Variants in LAMB1 observed in about 807,000 individuals in gnomAD.
LAMB1 encodes laminin subunit beta 1, also known as laminin subunit beta-1.
LAMB1 carries 121 observed loss-of-function variants against 222.3 expected under a neutral mutation model. The ratio of observed to expected loss-of-function variants is 0.54; its 90% CI spans 0.47 to 0.63. The LOEUF is 0.63. Among genes scored for constraint, LAMB1 ranks in the 30% least tolerant of loss-of-function variants. LAMB1 has a pLI of 0.00. For synonymous variants in LAMB1, 794 were observed against 807.2 expected, an observed-to-expected ratio of 0.98 and a Z score of 0.28; for missense variants, 2,172 against 2,240.8, an observed-to-expected ratio of 0.97 and a Z score of 0.62.
chr7:107,962,843 G>C, intron 15 of LAMB1, 62 bp downstream of exon 15: 2 of 1,384,750 alleles, frequency 1.4e-6, no homozygotes, highest in Non-Finnish European at 2.0e-6. Context: ...CCCATTAGAA[G>C]TACTATTTTT....
chr7:107,964,723 T>C (rs752400780), intron 13 of LAMB1, 36 bp from the exon 14 acceptor site: 14 of 1,611,228 alleles, frequency 8.7e-6, no homozygotes, highest in Non-Finnish European at 1.1e-5. Flanking sequence ...GCTGAGTTCA[T>C]GGTCACGCGA....
rs566189409 is a variant in LAMB1, at chr7:107,939,310, A to C, written c.3761+679T>G. On this transcript the variant is annotated intron_variant, in intron 25 of 33. Transcript: ENST00000222399. ...AGGTCAATTCTCTAGGCTTCCACTA[A>C]CAAACACTGTCCAATCAGAGGGAAG... Among the ~76,000 whole-genome samples, 145 of 151,488 alleles carry C rather than the reference A, an allele frequency of 9.6e-4. 1 individual carries two copies. The highest frequency in any genetic ancestry group is 6.9e-3 in the Middle Eastern group (2 of 288).
At position 107,955,538 on chromosome 7, in the gene LAMB1, T is replaced by G; in HGVS notation, c.2783A>C (p.Gln928Pro). ...ATCTTGGTAGCAGCTCCTGGCAAAC[T>G]GGCGTCCACTGTCGGGACCATCTGG... ...PCPDGPDSGR[Q>P]FARSCYQDPV... Residue 928 changes from glutamine (Q) to proline (P), a missense_variant, in exon 21 of 34, where the codon CAG (glutamine) becomes CCG (proline). By Grantham distance (76) the Gln-to-Pro change is moderately conservative (BLOSUM62 -1). Transcript: ENST00000222399. The G allele has an allele frequency of 6.2e-7, 1 of 1,614,092 alleles. No individual in the cohort carries two copies. Among genetic ancestry groups the G allele is most frequent in the Non-Finnish European group, 8.5e-7 (1 of 1,180,008 alleles).
chr7:107,969,177 A>G (rs970688017), intron 13 of LAMB1, among the ~76,000 whole-genome samples: 3 of 151,952 alleles, frequency 2.0e-5, no homozygotes, highest in African/African-American at 7.2e-5. Context: ...AGTCCCAGCT[A>G]CTTGGGAGGC....
intron 8 of LAMB1, 26 bp from the exon 9 acceptor site, chr7:107,978,193 A>G: frequency 6.2e-7 from 1 of 1,610,854 alleles, no homozygotes; most frequent in South Asian, 1.1e-5. Flanking sequence ...AACAGGAGAG[A>G]ACAAAGGAAG....
At chr7:107,926,078 G>T in intron 32 of LAMB1, 105 bp downstream of exon 32, 3 of 800,726 alleles carry the variant, frequency 3.7e-6, no homozygotes, top group Non-Finnish European at 4.1e-6. Context: ...TATTTCTGAT[G>T]AATTCTGTTT....
At chr7:107,978,816 A>AT (rs2033919698) in intron 8 of LAMB1, among the ~76,000 whole-genome samples, 1 of 152,214 alleles carries the variant, frequency 6.6e-6, no homozygotes, top group Non-Finnish European at 1.5e-5. Flanking sequence ...ATGATATATG[A>AT]TTTTGCCTTG....
intron 23 of LAMB1, among the ~76,000 whole-genome samples, chr7:107,951,677 T>C (rs935284334): frequency 6.6e-6 from 1 of 152,186 alleles, no homozygotes. Context: ...CTTTTTACAA[T>C]GCTGGGTATG....
chr7:107,968,668 G>A (rs2033681338), intron 13 of LAMB1, among the ~76,000 whole-genome samples: 1 of 152,158 alleles, frequency 6.6e-6, no homozygotes, highest in Non-Finnish European at 1.5e-5. Flanking sequence ...CAAGGAATGT[G>A]GGCAGCTCTA....
At position 107,939,760 on chromosome 7, in the gene LAMB1, C is replaced by G. The variant is rs1484325313; in HGVS notation, c.3761+229G>C. Among the ~76,000 whole-genome samples, 3 of 152,164 alleles carry G rather than the reference C, an allele frequency of 2.0e-5. No homozygotes were observed. In the East Asian group the frequency reaches 5.8e-4, roughly 29 times the overall value. Reference sequence around the variant, plus strand: ...GGAGGAGCACTGAATATAATGCTTGCATATTCTGTACTGCAGCCTCCAGAA... The same window carrying G: ...GGAGGAGCACTGAATATAATGCTTGGATATTCTGTACTGCAGCCTCCAGAA... On this transcript the variant is annotated intron_variant, in intron 25 of 33. Coordinates refer to ENST00000222399, the MANE Select transcript of LAMB1 (RefSeq NM_002291.3).
chr7:107,937,163 G>A lies in LAMB1; in HGVS notation c.3876C>T (p.Ala1292=), dbSNP rs373361475. The change falls in exon 26 of 34, where the codon GCC becomes GCT. Residue 1292 remains alanine (A), a synonymous_variant. Transcript: ENST00000222399. Reference sequence around the variant, plus strand: ...CTTTCACAGTGTTGTCTAGGCTTTCGGCTTCTGTCTGTAGAGAATCCAGTT... The same window carrying A: ...CTTTCACAGTGTTGTCTAGGCTTTCAGCTTCTGTCTGTAGAGAATCCAGTT... ...AKELDSLQTE[A]ESLDNTVKEL... is the part of the protein sequence containing the mutation. 8 of 1,613,888 alleles carry A rather than the reference G, an allele frequency of 5.0e-6. No homozygotes were observed. Among genetic ancestry groups the A allele is most frequent in the South Asian group, 2.2e-5 (2 of 91,072 alleles).
chr7:107,949,590 A>G (rs1209703713), intron 24 of LAMB1, among the ~76,000 whole-genome samples: 11 of 152,224 alleles, frequency 7.2e-5, no homozygotes, highest in Admixed American at 7.2e-4. Flanking sequence ...GGAAGAGGGG[A>G]TGTCAGATCT....
chr7:107,961,824 C>T (rs1416654728), intron 15 of LAMB1, 148 bp from the exon 16 acceptor site: 4 of 936,502 alleles, frequency 4.3e-6, no homozygotes, highest in South Asian at 1.7e-5. Context: ...TCTGCTACTC[C>T]CCTGGTTCCA....
At chr7:107,979,927 G>A (rs2033940461) in intron 8 of LAMB1, among the ~76,000 whole-genome samples, 1 of 152,068 alleles carries the variant, frequency 6.6e-6, no homozygotes, top group Admixed American at 6.6e-5. Flanking sequence ...TACAAAATTA[G>A]CCAGATACGG....
chr7:107,937,453 A>G (rs2032874355), intron 25 of LAMB1, among the ~76,000 whole-genome samples, 176 bp from the exon 26 acceptor site: 1 of 152,196 alleles, frequency 6.6e-6, no homozygotes, highest in South Asian at 2.1e-4. Context: ...TATTAAATCT[A>G]ACAATTTTTC....
At position 107,959,868 on chromosome 7, in the gene LAMB1, G is replaced by A. The variant is rs775231965; in HGVS notation, c.2315-34C>T. The A allele has an allele frequency of 5.0e-6, 8 of 1,601,162 alleles. No individual in the cohort carries two copies. In the South Asian group the frequency reaches 5.6e-5, roughly 11 times the overall value. On this transcript the variant is annotated intron_variant, in intron 18 of 33. Coordinates refer to ENST00000222399, the MANE Select transcript of LAMB1 (RefSeq NM_002291.3). ...AAAGAGAGGCCAGAACCCATGACACGGAGCAGCACATCATCGGGCTCTCCC... is the reference window on the plus strand; with the variant it reads ...AAAGAGAGGCCAGAACCCATGACACAGAGCAGCACATCATCGGGCTCTCCC...
At chr7:107,969,322 T>C (rs544717267) in intron 13 of LAMB1, among the ~76,000 whole-genome samples, 1 of 152,028 alleles carries the variant, frequency 6.6e-6, no homozygotes, top group South Asian at 2.1e-4. Flanking sequence ...ATATAGAAAT[T>C]GGCAACATTT....
intron 9 of LAMB1, among the ~76,000 whole-genome samples, chr7:107,976,746 A>T (rs1584523566): frequency 6.6e-6 from 1 of 152,278 alleles, no homozygotes; most frequent in Admixed American, 6.5e-5. Context: ...TGATGGTTTC[A>T]AGAACATCCT....
At chr7:107,928,055 A>G (rs996044478) in intron 31 of LAMB1, among the ~76,000 whole-genome samples, 1 of 152,188 alleles carries the variant, frequency 6.6e-6, no homozygotes, top group Non-Finnish European at 1.5e-5. Flanking sequence ...AAACTCGTAA[A>G]ATTGGAACGA....
Sources: allele counts gnomAD v4.1 joint callset (sites outside exome capture counted in the v4.1 genomes callset), GRCh38; gene constraint gnomAD v4.1.1; transcripts MANE v1.5; gene names NCBI Gene and HGNC (gene_info 2026-07-23, HGNC 2026-07-21).